Variants in TF observed in about 807,000 individuals in gnomAD.
The protein encoded by TF is serotransferrin.
A neutral mutation model predicts 82.4 loss-of-function variants in TF; 55 were observed. The observed-to-expected ratio is 0.67, with a 90% CI of 0.54 to 0.84. TF has a LOEUF of 0.84. Ranked by LOEUF, TF falls within the 40% of genes least tolerant of loss-of-function variation. TF has a pLI of 0.00. For missense variants in TF, 737 were observed against 868.4 expected (o/e 0.85, Z 1.90); for synonymous variants, 332 against 332.6 (o/e 1.00, Z 0.02).
chr3:133,764,063 A>G, intron 9 of TF, 119 bp from the exon 10 acceptor site: 1 of 826,586 alleles, frequency 1.2e-6, no homozygotes. Context: ...CAGTATCAGC[A>G]TCTGCTATCT....
the TF span, among the ~76,000 whole-genome samples, chr3:133,712,190 A>G: frequency 1.3e-5 from 2 of 152,234 alleles, no homozygotes; most frequent in Non-Finnish European, 2.9e-5. Context: ...TCAAGAGGGC[A>G]GAGCCTGTGT....
At chr3:133,699,452 G>A in the TF span, 2 of 1,233,558 alleles carry the variant, frequency 1.6e-6, no homozygotes, top group African/African-American at 1.5e-5. Context: ...CAGAGAACCT[G>A]GCAAACAAGG....
At chr3:133,750,579 C>T (rs959144812) in intron 2 of TF, among the ~76,000 whole-genome samples, 1 of 152,050 alleles carries the variant, frequency 6.6e-6, no homozygotes, top group South Asian at 2.1e-4. Flanking sequence ...CTGTCCCTCC[C>T]AGCTGGCGCA....
At position 133,748,475 on chromosome 3, in the gene TF, C is replaced by T; in HGVS notation, c.107C>T (p.Thr36Ile). ...RWCAVSEHEA[T>I]KCQSFRDHMK... The stretch of plus-strand genomic sequence containing the variant: ...TGTGCAGTGTCGGAGCATGAGGCCA[C>T]TAAGTGCCAGAGTTTCCGCGACCAT... Residue 36 changes from threonine to isoleucine, a missense_variant, in exon 2 of 17, where the codon ACT becomes ATT. Thr to Ile is a moderately conservative substitution (Grantham distance 89). Coordinates refer to ENST00000402696, the MANE Select transcript of TF (RefSeq NM_001063.4). The T allele has an allele frequency of 1.2e-6, 2 of 1,614,172 alleles. No individual in the cohort carries two copies. Among genetic ancestry groups the T allele is most frequent in the Non-Finnish European group, 1.7e-6 (2 of 1,180,040 alleles).
intron 3 of TF, among the ~76,000 whole-genome samples, chr3:133,754,240 A>G (rs1470670785): frequency 6.6e-6 from 1 of 152,214 alleles, no homozygotes; most frequent in Non-Finnish European, 1.5e-5. Context: ...AGGGGAGGCA[A>G]AGCATTCAGG....
chr3:133,680,369 C>A, the TF span, among the ~76,000 whole-genome samples: 1 of 151,786 alleles, frequency 6.6e-6, no homozygotes, highest in African/African-American at 2.4e-5. Context: ...CCACACCTAA[C>A]TAATTTTGTA....
the TF span, among the ~76,000 whole-genome samples, chr3:133,738,458 G>A: frequency 1.1e-4 from 16 of 152,268 alleles, no homozygotes; most frequent in Admixed American, 3.3e-4. Flanking sequence ...GAAAGTTCTC[G>A]TCAGGGCAAT....
At chr3:133,759,062 T>A in intron 8 of TF, 113 bp from the exon 9 acceptor site, 1 of 1,368,066 alleles carries the variant, frequency 7.3e-7, no homozygotes, top group Non-Finnish European at 1.0e-6. Context: ...ATGGGGTCTG[T>A]TTGTTTATTG....
intron 2 of TF, among the ~76,000 whole-genome samples, chr3:133,749,652 C>A (rs1047133958): frequency 6.6e-6 from 1 of 152,132 alleles, no homozygotes; most frequent in Admixed American, 6.5e-5. Flanking sequence ...CACCAGGCAG[C>A]AAACAAGAGC....
At chr3:133,770,702 G>C in intron 14 of TF, 130 bp downstream of exon 14, 1 of 1,077,864 alleles carries the variant, frequency 9.3e-7, no homozygotes, top group South Asian at 1.3e-5. Context: ...TTCTCAGTCT[G>C]TCTGCTCAGT....
chr3:133,667,747 A>G, the TF span, among the ~76,000 whole-genome samples: 1 of 152,322 alleles, frequency 6.6e-6, no homozygotes, highest in East Asian at 1.9e-4. Context: ...ACACCTTGTC[A>G]TCCTTAAGGG....
chr3:133,770,815 G>T lies in TF; in HGVS notation c.1687+243G>T, dbSNP rs1398692999. The T allele has an allele frequency of 5.1e-6, 3 of 583,164 alleles. No individual in the cohort carries two copies. The African/African-American group carries it at 5.6e-5, about 11-fold the overall frequency. 36.1% of individuals were successfully genotyped at this position (583,164 alleles called of 1,614,324 possible). A position where few individuals can be genotyped will look rare whatever the true frequency, so the allele number is the denominator to read the frequency against. ...ACACACTCCCACAGCTGCAAGCCTT[G>T]TGCTCCTTTCCCCTAAATACTTCAG... On this transcript the variant is annotated intron_variant, in intron 14 of 16. Transcript: ENST00000402696.
At chr3:133,687,182 T>G in the TF span, among the ~76,000 whole-genome samples, 11 of 151,830 alleles carry the variant, frequency 7.2e-5, no homozygotes, top group African/African-American at 1.9e-4. Flanking sequence ...ACATCACACA[T>G]TGAGGCCTGT....
rs1934679388 is a variant in TF, at chr3:133,786,227, A to AAAAAAC, written c.*7612_*7613insCAAAAA. The AAAAAAC allele has an allele frequency of 1.3e-5, 1 of 76,938 alleles. No individual in the cohort carries two copies. The highest frequency in any genetic ancestry group is 3.3e-5 in the Non-Finnish European group (1 of 30,454). 4.8% of individuals were successfully genotyped at this position (76,938 alleles called of 1,614,324 possible). On this transcript the variant is annotated 3_prime_UTR_variant, in exon 17 of 17. Transcript: ENST00000402696. ...TTATCAATAAAAAAATAAATTAAAAAAAAAAAAAAAAAACAATACTATTTT... is the reference window on the plus strand; with the variant it reads ...TTATCAATAAAAAAATAAATTAAAAAAAAAACAAAAAAAAAAAAACAATACTATTTT...
Position 133,754,476 on chromosome 3 carries a change from T to C in TF, c.326-19T>C, listed in dbSNP as rs777513615. On this transcript the variant is annotated intron_variant, in intron 3 of 16. Transcript: ENST00000402696. Reference sequence around the variant, plus strand: ...CTGCACCAGGCTGAGGGCCTTCCATTCACACTGTGCCTTTGCAGATCCACA... The same window carrying C: ...CTGCACCAGGCTGAGGGCCTTCCATCCACACTGTGCCTTTGCAGATCCACA... 25 of 1,613,738 alleles carry C rather than the reference T, an allele frequency of 1.5e-5. No homozygotes were observed. The highest frequency in any genetic ancestry group is 1.6e-5 in the Non-Finnish European group (19 of 1,179,836).
At chr3:133,733,993 G>A in the TF span, among the ~76,000 whole-genome samples, 2 of 152,224 alleles carry the variant, frequency 1.3e-5, no homozygotes. Flanking sequence ...TTATGTACAA[G>A]AGAAATGAGC....
rs758425512 is a variant in TF, at chr3:133,759,234, G to A, written c.1108G>A (p.Glu370Lys). 11 of 1,614,008 alleles carry A rather than the reference G, an allele frequency of 6.8e-6. No homozygotes were observed. The highest frequency in any genetic ancestry group is 8.5e-6 in the Non-Finnish European group (10 of 1,179,956). ...GAAGTGGTGTGCGCTGAGCCACCAC[G>A]AGAGGCTCAAGTGTGATGAGTGGAG... ...PVKWCALSHH[E>K]RLKCDEWSVN... Residue 370 changes from glutamate (E) to lysine (K), a missense_variant, in exon 9 of 17, where the codon GAG (glutamate) becomes AAG (lysine). Coordinates refer to ENST00000402696, the MANE Select transcript of TF (RefSeq NM_001063.4).
the TF span, among the ~76,000 whole-genome samples, chr3:133,676,641 C>T: frequency 2.0e-5 from 3 of 152,208 alleles, no homozygotes; most frequent in Non-Finnish European, 4.4e-5. Context: ...TGGCTCAGCA[C>T]GGCCACGTGG....
At chr3:133,666,697 G>A in the TF span, among the ~76,000 whole-genome samples, 2 of 152,038 alleles carry the variant, frequency 1.3e-5, no homozygotes, top group African/African-American at 2.4e-5. Context: ...CAAAAGACAA[G>A]CTCAGGGAAT....
Sources: allele counts gnomAD v4.1 joint callset (sites outside exome capture counted in the v4.1 genomes callset), GRCh38; gene constraint gnomAD v4.1.1; transcripts MANE v1.5; gene names NCBI Gene and HGNC (gene_info 2026-07-23, HGNC 2026-07-21).